AXIN1: variants seen among roughly 807,000 people sequenced by gnomAD.
AXIN1 encodes the protein axin 1.
AXIN1 carries 30 observed loss-of-function variants against 76.4 expected under a neutral mutation model. The ratio of observed to expected loss-of-function variants is 0.39; its 90% CI spans 0.29 to 0.53. The LOEUF (loss-of-function observed/expected upper bound fraction) is 0.53, where lower values mean the gene tolerates loss of function less well. Among genes scored for constraint, AXIN1 ranks in the 20% least tolerant of loss-of-function variants. AXIN1 has a pLI of 0.66. For missense variants in AXIN1, 1,140 were observed against 1,198.8 expected, an observed-to-expected ratio of 0.95 and a Z score of 0.72; for synonymous variants, 545 against 501.4, an observed-to-expected ratio of 1.09 and a Z score of -1.16.
rs772532226 is a variant in AXIN1, at chr16:293,754, G to C, written c.1956-36C>G. 2 of 1,595,160 alleles carry C rather than the reference G, an allele frequency of 1.3e-6. No individual in the cohort carries two copies. The highest frequency in any genetic ancestry group is 2.2e-5 in the South Asian group (2 of 90,778). Reference sequence around the variant, plus strand: ...AAGAGAACAAGTTGTGACTGTGGCCGACACCCTGGCCAGGTGGCCTGGTGG... The same window carrying C: ...AAGAGAACAAGTTGTGACTGTGGCCCACACCCTGGCCAGGTGGCCTGGTGG... On this transcript the variant is annotated intron_variant, in intron 7 of 10. Transcript: ENST00000262320. This position sits in a 1 kb window ranked among gnomAD's most constrained non-coding sequence, Gnocchi z 4.6.
At chr16:321,545 G>A (rs2053456890) in intron 2 of AXIN1, among the ~76,000 whole-genome samples, 1 of 152,262 alleles carries the variant, frequency 6.6e-6, no homozygotes, top group African/African-American at 2.4e-5. Context: ...CGACAAGGCT[G>A]TGTCCTGATA....
At position 333,098 on chromosome 16, in the gene AXIN1, C is replaced by T. The variant is rs1277116610; in HGVS notation, c.878+13050G>A. 6.6e-5 allele frequency among the ~76,000 whole-genome samples: 10 copies of T among 152,152 alleles called. No individual in the cohort carries two copies. The South Asian group carries it at 8.3e-4, about 13-fold the overall frequency. ...CCTGTAATCCCAGCACTTTGGAGGCCGAGGCAGGCGGATCACCTGAGGTCG... is the reference window on the plus strand; with the variant it reads ...CCTGTAATCCCAGCACTTTGGAGGCTGAGGCAGGCGGATCACCTGAGGTCG... On this transcript the variant is annotated intron_variant, in intron 2 of 10. Coordinates refer to ENST00000262320, the MANE Select transcript of AXIN1 (RefSeq NM_003502.4).
intron 8 of AXIN1, chr16:291,671 T>G: frequency 2.8e-6 from 1 of 360,550 alleles, no homozygotes; most frequent in South Asian, 2.2e-5. Context: ...ACCGATAGCG[T>G]GGACACTGGC....
intron 2 of AXIN1, among the ~76,000 whole-genome samples, chr16:328,267 C>A (rs1359467966): frequency 1.3e-5 from 2 of 151,548 alleles, no homozygotes; most frequent in African/African-American, 4.9e-5. Flanking sequence ...GTGGCATGCA[C>A]CTGTGGTCCC....
chr16:339,510 CA>C (rs35043577), intron 2 of AXIN1, among the ~76,000 whole-genome samples: 20,021 of 67,498 alleles, frequency 0.3, 1,501 homozygotes, highest in African/African-American at 0.43. Context: ...GACTCCATCT[CA>C]AAAAAAAAAA....
Position 323,266 on chromosome 16 carries a change from C to CGTCTCTACTA in AXIN1, c.879-8593_879-8584dup, listed in dbSNP as rs543535349. Among the ~76,000 whole-genome samples the CGTCTCTACTA allele has an allele frequency of 6.8e-3, 1,020 of 149,080 alleles. 8 individuals are homozygous for CGTCTCTACTA. Among genetic ancestry groups the CGTCTCTACTA allele is most frequent in the Middle Eastern group, 0.015 (4 of 274 alleles). ...CCTCCTGGCTAACACGGTGAAACCC[C>CGTCTCTACTA]GTCTCTACTAAAAATACAAAAAATT... On this transcript the variant is annotated intron_variant, in intron 2 of 10. Coordinates refer to ENST00000262320, the MANE Select transcript of AXIN1 (RefSeq NM_003502.4).
chr16:306,015 T>C (rs1204392887), intron 4 of AXIN1, among the ~76,000 whole-genome samples: 1 of 152,102 alleles, frequency 6.6e-6, no homozygotes, highest in Non-Finnish European at 1.5e-5. Flanking sequence ...TCAAAACAGC[T>C]GCAAAAATAG....
chr16:346,426 G>A lies in AXIN1; in HGVS notation c.600C>T (p.Ser200=), dbSNP rs2141703015. 1 of 1,614,216 alleles carries A rather than the reference G, an allele frequency of 6.2e-7. No homozygotes were observed. Among genetic ancestry groups the A allele is most frequent in the Non-Finnish European group, 8.5e-7 (1 of 1,180,042 alleles). ...CCAAATAAATATCAGACTTAAGGAA[G>A]GAGGGATAGGTGTTTTCCTCCATAG... ...QATMEENTYP[S]FLKSDIYLEY... The change falls in exon 2 of 11, where the codon TCC becomes TCT. Residue 200 remains serine (S), a synonymous_variant. Coordinates refer to ENST00000262320, the MANE Select transcript of AXIN1 (RefSeq NM_003502.4).
intron 1 of AXIN1, among the ~76,000 whole-genome samples, chr16:351,273 CA>C (rs2054137230): frequency 6.6e-6 from 1 of 151,440 alleles, no homozygotes; most frequent in Non-Finnish European, 1.5e-5. Flanking sequence ...GAAGTGTGAG[CA>C]AAAACAAGGG....
At chr16:323,503 G>A (rs1276952783) in intron 2 of AXIN1, among the ~76,000 whole-genome samples, 1 of 148,114 alleles carries the variant, frequency 6.8e-6, no homozygotes, top group Admixed American at 6.7e-5. Context: ...CAAAACAGGC[G>A]GGGCACGGTG....
At chr16:289,799 C>T (rs941478517) in intron 9 of AXIN1, 192 bp from the exon 10 acceptor site, 17 of 702,082 alleles carry the variant, frequency 2.4e-5, no homozygotes, top group African/African-American at 1.1e-4. Flanking sequence ...GCAGTGGAGT[C>T]GGCTCCGCTC....
At chr16:305,480 T>C (rs1249971659) in intron 4 of AXIN1, among the ~76,000 whole-genome samples, 1 of 152,140 alleles carries the variant, frequency 6.6e-6, no homozygotes, top group Admixed American at 6.5e-5. Flanking sequence ...TGTCTCAAAA[T>C]AATAACAATA....
intron 3 of AXIN1, among the ~76,000 whole-genome samples, chr16:313,639 G>A (rs938227312): frequency 2.0e-5 from 3 of 152,152 alleles, no homozygotes; most frequent in Non-Finnish European, 2.9e-5. Context: ...GGCAGGTGGC[G>A]TGTGGCGCAC....
chr16:296,792 C>A (rs569093943), intron 7 of AXIN1, among the ~76,000 whole-genome samples: 5 of 152,148 alleles, frequency 3.3e-5, no homozygotes, highest in Admixed American at 6.5e-5. Flanking sequence ...GTGCTGCCTG[C>A]GGGGTGACAG....
At chr16:344,897 G>A (rs1481636277) in intron 2 of AXIN1, among the ~76,000 whole-genome samples, 2 of 152,198 alleles carry the variant, frequency 1.3e-5, no homozygotes, top group Admixed American at 6.5e-5. Flanking sequence ...TAAGCTTGAA[G>A]AACTAATGCG....
intron 3 of AXIN1, among the ~76,000 whole-genome samples, chr16:312,953 G>A (rs1324073967): frequency 6.6e-6 from 1 of 152,242 alleles, no homozygotes; most frequent in African/African-American, 2.4e-5. Flanking sequence ...TCGTGAGGCT[G>A]AAGTGGGTGC....
intron 4 of AXIN1, among the ~76,000 whole-genome samples, chr16:306,799 G>A (rs577583467): frequency 2.6e-5 from 4 of 152,352 alleles, no homozygotes; most frequent in African/African-American, 4.8e-5. Flanking sequence ...CGTGCACAGC[G>A]CCAGGAAGGG....
intron 2 of AXIN1, among the ~76,000 whole-genome samples, chr16:344,488 T>G (rs1276111992): frequency 6.6e-6 from 1 of 151,142 alleles, no homozygotes; most frequent in Non-Finnish European, 1.5e-5. Context: ...TTTTTTTTTG[T>G]TTTTTTTCTG....
chr16:335,033 C>G (rs2141667286), intron 2 of AXIN1, among the ~76,000 whole-genome samples: 1 of 152,308 alleles, frequency 6.6e-6, no homozygotes, highest in Non-Finnish European at 1.5e-5. Flanking sequence ...TCATGAGAAT[C>G]TACAAAACAC....
Sources: gnomAD v4.1 joint callset for allele counts (sites outside exome capture counted in the v4.1 genomes callset) on GRCh38, gnomAD v4.1.1 for gene constraint, Gnocchi (gnomAD v3.1) non-coding constraint, MANE v1.5 for transcripts, NCBI Gene and HGNC (gene_info 2026-07-23, HGNC 2026-07-21) for gene names.